MORF4L2: variants seen among roughly 807,000 people sequenced by gnomAD.
MORF4L2 encodes mortality factor 4 like 2.
Under a neutral mutation model 12.0 loss-of-function variants are expected in MORF4L2, and 1 was observed. The ratio of observed to expected loss-of-function variants is 0.08; its 90% CI spans 0.03 to 0.40. MORF4L2 has a LOEUF of 0.40. MORF4L2 is among the 10% of genes least tolerant of loss of function. The pLI, the probability that MORF4L2 is intolerant of heterozygous loss-of-function variation, is 0.98. For missense variants in MORF4L2, 123 were observed against 214.0 expected (o/e 0.57, Z 2.65); for synonymous variants, 69 against 81.6 (o/e 0.85, Z 0.83).
chrX:103,679,568 A>G (rs1461069162), intron 2 of MORF4L2, among the ~76,000 whole-genome samples: 1 of 109,996 alleles, frequency 9.1e-6, no homozygotes. Context: ...TTAGTGTGAA[A>G]TAGTTTTTAG....
chrX:103,678,689 G>A (rs1340625435), intron 2 of MORF4L2, 38 bp from the exon 3 acceptor site: 1 of 112,724 alleles, frequency 8.9e-6, no homozygotes, highest in Non-Finnish European at 1.9e-5. Context: ...TTATAAACAT[G>A]TGGTTTATAT....
chrX:103,686,835 CCCCA>C (rs2147707590), upstream of MORF4L2: 1 of 112,049 alleles, frequency 8.9e-6, no homozygotes, highest in African/African-American at 3.2e-5. Context: ...GGACAACCAC[CCCCA>C]CGTCAGCAAT....
chrX:103,683,033 G>C (rs2147691006), intron 2 of MORF4L2, among the ~76,000 whole-genome samples: 1 of 111,777 alleles, frequency 8.9e-6, no homozygotes, highest in East Asian at 2.8e-4. Context: ...GAGGTATATG[G>C]GTCTTTTAAG....
At chrX:103,679,489 C>G (rs1300551108) in intron 2 of MORF4L2, among the ~76,000 whole-genome samples, 1 of 108,384 alleles carries the variant, frequency 9.2e-6, no homozygotes, top group African/African-American at 3.4e-5. Flanking sequence ...CGTACCACTG[C>G]ACTCTAGCCT....
At chrX:103,679,231 C>T (rs1177190328) in intron 2 of MORF4L2, among the ~76,000 whole-genome samples, 1 of 108,586 alleles carries the variant, frequency 9.2e-6, no homozygotes, top group Admixed American at 9.9e-5. Context: ...TAAGGCCGGG[C>T]GCAGTGGGTC....
At chrX:103,677,803 A>G (rs964202824) in intron 3 of MORF4L2, among the ~76,000 whole-genome samples, 2 of 112,073 alleles carry the variant, frequency 1.8e-5, no homozygotes, top group Non-Finnish European at 3.8e-5. Context: ...TAGTATAATG[A>G]CAGTTATAGG....
chrX:103,682,151 T>C (rs1416572754), intron 2 of MORF4L2, among the ~76,000 whole-genome samples: 1 of 112,262 alleles, frequency 8.9e-6, no homozygotes, highest in Non-Finnish European at 1.9e-5. Flanking sequence ...CTCTGCACCT[T>C]GCTTTGCTCA....
At chrX:103,679,012 A>C (rs1404530191) in intron 2 of MORF4L2, among the ~76,000 whole-genome samples, 2 of 112,414 alleles carry the variant, frequency 1.8e-5, no homozygotes, top group Non-Finnish European at 3.7e-5. Context: ...TGGTGTTTGC[A>C]ATACTGAAGA....
intron 1 of MORF4L2, among the ~76,000 whole-genome samples, chrX:103,686,033 T>C (rs1018872393): frequency 1.3e-4 from 14 of 110,095 alleles, no homozygotes; most frequent in African/African-American, 3.6e-4. Context: ...TTACAGTTGG[T>C]GTGTTCGATT....
intron 2 of MORF4L2, among the ~76,000 whole-genome samples, chrX:103,680,670 A>G (rs1202303802): frequency 2.7e-5 from 3 of 112,641 alleles, no homozygotes; most frequent in Non-Finnish European, 5.6e-5. Context: ...ATATTTGCAT[A>G]TGTGTGAGAA....
chrX:103,683,524 G>A (rs2074036073), intron 2 of MORF4L2, among the ~76,000 whole-genome samples: 1 of 112,066 alleles, frequency 8.9e-6, no homozygotes, highest in African/African-American at 3.2e-5. Flanking sequence ...AATATTTGAT[G>A]CAGTATTATC....
chrX:103,687,844 C>G (rs899712260), upstream of MORF4L2: 16 of 111,020 alleles, frequency 1.4e-4, no homozygotes, highest in African/African-American at 5.3e-4. Flanking sequence ...GTCCTCCCTC[C>G]CCTCCTCCAC....
chrX:103,682,769 G>A (rs1430896295), intron 2 of MORF4L2, among the ~76,000 whole-genome samples: 1 of 112,130 alleles, frequency 8.9e-6, no homozygotes, highest in Admixed American at 9.4e-5. Context: ...TACTATGACT[G>A]TTGTATGTAT....
At position 103,676,762 on chromosome X, in the gene MORF4L2, C is replaced by A; in HGVS notation, c.266G>T (p.Gly89Val). The A allele has an allele frequency of 8.3e-7, 1 of 1,207,233 alleles. No individual in the cohort carries two copies. The change falls in exon 4 of 4, where the codon GGC (glycine) becomes GTC (valine). Residue 89 changes from glycine to valine, a missense_variant. Transcript: ENST00000441076. Reference protein sequence around the residue: ...KQKTPGNGDGGSTSEAPQPPR... With the variant: ...KQKTPGNGDGVSTSEAPQPPR... ...GGGCTGAGGTGCTTCGCTGGTACTG[C>A]CACCATCTCCGTTTCCAGGAGTCTT... is the stretch of plus-strand genomic sequence containing the variant.
chrX:103,686,788 TTGTC>T (rs1394031636), upstream of MORF4L2: 2 of 111,912 alleles, frequency 1.8e-5, no homozygotes, highest in African/African-American at 3.3e-5. Context: ...CACAATCGTC[TTGTC>T]TAAGTTTTAG....
rs2073858855 is a variant in MORF4L2, at chrX:103,676,834, T to C, written c.194A>G (p.Glu65Gly). 19 of 1,202,693 alleles carry C rather than the reference T, an allele frequency of 1.6e-5. No homozygotes were observed. Among genetic ancestry groups the C allele is most frequent in the Non-Finnish European group, 2.0e-5 (18 of 893,467 alleles). ...CCTCACGGATCCTGAAGGGGGGTTC[T>C]CTGCAGAGCGACCACCCCATCTTCC... ...LPGRWGGRSA[E>G]NPPSGSVRKT... Residue 65 changes from glutamate to glycine, a missense_variant, in exon 4 of 4, where the codon GAG (glutamate) becomes GGG (glycine). Coordinates refer to ENST00000441076, the MANE Select transcript of MORF4L2 (RefSeq NM_012286.3).
chrX:103,685,374 A>T (rs1372258458), intron 1 of MORF4L2, 114 bp from the exon 2 acceptor site: 1 of 112,785 alleles, frequency 8.9e-6, no homozygotes, highest in Non-Finnish European at 1.9e-5. Flanking sequence ...ACCAAAGCTG[A>T]TAAATAATGT....
upstream of MORF4L2, chrX:103,687,376 T>G (rs1172850012): frequency 9.0e-6 from 1 of 111,606 alleles, no homozygotes; most frequent in Non-Finnish European, 1.9e-5. Context: ...TTAAGGCCAG[T>G]GTGTTAGTGC....
intron 2 of MORF4L2, among the ~76,000 whole-genome samples, chrX:103,683,600 T>C (rs1040185179): frequency 1.3e-4 from 15 of 112,349 alleles, no homozygotes; most frequent in Non-Finnish European, 1.9e-4. Context: ...ATTATGTGAT[T>C]AACGTTTTAT....
Sources: gnomAD v4.1 joint callset for allele counts (sites outside exome capture counted in the v4.1 genomes callset) on GRCh38, gnomAD v4.1.1 for gene constraint, MANE v1.5 for transcripts, NCBI Gene and HGNC (gene_info 2026-07-23, HGNC 2026-07-21) for gene names.